The following LRMDA variants were observed in gnomAD, a reference collection of about 807,000 sequenced individuals.
LRMDA encodes the protein leucine-rich melanocyte differentiation-associated protein.
LRMDA carries 18 observed loss-of-function variants against 29.8 expected under a neutral mutation model. The observed-to-expected ratio is 0.60, with a 90% CI of 0.42 to 0.90. The LOEUF (loss-of-function observed/expected upper bound fraction) is 0.90. Among genes scored for constraint, LRMDA ranks in the 40% least tolerant of loss-of-function variants. LRMDA has a pLI of 0.00. For synonymous variants in LRMDA, 125 were observed against 109.4 expected (o/e 1.14, Z -0.89); for missense variants, 273 against 273.9 (o/e 1.00, Z 0.02).
At chr10:76,013,203 A>T (rs970291755) in intron 2 of LRMDA, among the ~76,000 whole-genome samples, 1 of 152,174 alleles carries the variant, frequency 6.6e-6, no homozygotes, top group Non-Finnish European at 1.5e-5. Flanking sequence ...AATGGGACCC[A>T]GGAGAATGGC....
chr10:75,831,228 T>C (rs1291841348), intron 2 of LRMDA, among the ~76,000 whole-genome samples: 2 of 152,128 alleles, frequency 1.3e-5, no homozygotes, highest in Admixed American at 1.3e-4. Flanking sequence ...TTCATATTTT[T>C]AGTAGAGACG....
chr10:76,227,549 C>T (rs1481348058), intron 5 of LRMDA, among the ~76,000 whole-genome samples: 1 of 152,268 alleles, frequency 6.6e-6, no homozygotes, highest in East Asian at 1.9e-4. Context: ...TTTCCCAAGG[C>T]CCTGATAGTT....
intron 2 of LRMDA, among the ~76,000 whole-genome samples, chr10:75,891,201 G>A (rs947071859): frequency 2.6e-5 from 4 of 152,190 alleles, no homozygotes; most frequent in African/African-American, 2.4e-5. Flanking sequence ...CCAGGAAGCT[G>A]TTGAGAGGTC....
intron 5 of LRMDA, among the ~76,000 whole-genome samples, chr10:76,271,231 A>C (rs1311990299): frequency 6.6e-6 from 1 of 152,152 alleles, no homozygotes; most frequent in African/African-American, 2.4e-5. Flanking sequence ...CACATGGCAA[A>C]ACTCCATTTC....
At chr10:76,527,526 A>G (rs1169070326) in intron 6 of LRMDA, among the ~76,000 whole-genome samples, 1 of 151,936 alleles carries the variant, frequency 6.6e-6, no homozygotes, top group Admixed American at 6.6e-5. Context: ...CTGAGTAAAA[A>G]CTCATTCTAG....
chr10:76,320,718 T>A (rs984150831), intron 5 of LRMDA, among the ~76,000 whole-genome samples: 1 of 152,236 alleles, frequency 6.6e-6, no homozygotes, highest in African/African-American at 2.4e-5. Flanking sequence ...GTTTCTAATA[T>A]TTTGACATTT....
chr10:76,216,041 A>G (rs1481444044), intron 5 of LRMDA, among the ~76,000 whole-genome samples: 1 of 152,234 alleles, frequency 6.6e-6, no homozygotes, highest in Non-Finnish European at 1.5e-5. Flanking sequence ...CTTGCTCATC[A>G]AAAATCAGCT....
intron 5 of LRMDA, among the ~76,000 whole-genome samples, chr10:76,201,174 G>A (rs1851422029): frequency 6.6e-6 from 1 of 150,776 alleles, no homozygotes; most frequent in Admixed American, 6.6e-5. Flanking sequence ...TCGGCTCCCC[G>A]TAACCTCTAC....
chr10:75,694,627 A>G (rs1842211008), intron 2 of LRMDA, among the ~76,000 whole-genome samples: 1 of 152,136 alleles, frequency 6.6e-6, no homozygotes, highest in Non-Finnish European at 1.5e-5. Flanking sequence ...TCTCAGGTAG[A>G]TTTTGCACAC....
intron 6 of LRMDA, among the ~76,000 whole-genome samples, chr10:76,330,593 A>T (rs1840892788): frequency 6.6e-6 from 1 of 152,182 alleles, no homozygotes; most frequent in Admixed American, 6.5e-5. Flanking sequence ...TGGTTTCTAT[A>T]ACTCACTGCA....
chr10:76,401,807 A>G (rs1841851870), intron 6 of LRMDA, among the ~76,000 whole-genome samples: 1 of 152,184 alleles, frequency 6.6e-6, no homozygotes, highest in Admixed American at 6.5e-5. Context: ...GAGCTTACAG[A>G]CAAACAGGAA....
intron 5 of LRMDA, among the ~76,000 whole-genome samples, chr10:76,127,015 A>G (rs1457976142): frequency 1.3e-5 from 2 of 152,236 alleles, no homozygotes; most frequent in Non-Finnish European, 2.9e-5. Flanking sequence ...CTACTTGCTC[A>G]TAAAGCCAAC....
At chr10:75,770,886 T>C (rs1304610509) in intron 2 of LRMDA, among the ~76,000 whole-genome samples, 1 of 152,166 alleles carries the variant, frequency 6.6e-6, no homozygotes, top group Non-Finnish European at 1.5e-5. Context: ...TTTGCTGTAG[T>C]CCAGAGGGAG....
chr10:76,165,331 G>A (rs899943790), intron 5 of LRMDA, among the ~76,000 whole-genome samples: 2 of 152,054 alleles, frequency 1.3e-5, no homozygotes, highest in African/African-American at 4.8e-5. Flanking sequence ...GGAGTACAGT[G>A]GTGTGATCTT....
chr10:76,024,635 G>A (rs1455487842), intron 2 of LRMDA, among the ~76,000 whole-genome samples: 1 of 152,208 alleles, frequency 6.6e-6, no homozygotes, highest in Non-Finnish European at 1.5e-5. Flanking sequence ...TTCCTGGCCT[G>A]AGTCCATTCC....
At chr10:75,850,707 T>C (rs1844717621) in intron 2 of LRMDA, among the ~76,000 whole-genome samples, 1 of 152,198 alleles carries the variant, frequency 6.6e-6, no homozygotes, top group South Asian at 2.1e-4. Context: ...GTTCCTGCCA[T>C]CTTGGAGTTT....
At chr10:76,287,738 T>C (rs1233225235) in intron 5 of LRMDA, among the ~76,000 whole-genome samples, 2 of 152,148 alleles carry the variant, frequency 1.3e-5, no homozygotes, top group Non-Finnish European at 2.9e-5. Flanking sequence ...AAGTTCTTGC[T>C]AAAAATAAAA....
rs574520837 is a variant in LRMDA, at chr10:75,471,552, C to A, written c.131+33058C>A. Among the ~76,000 whole-genome samples the A allele has an allele frequency of 1.1e-3, 165 of 152,302 alleles. 4 individuals are homozygous for A. The South Asian group carries it at 0.016, about 15-fold the overall frequency. ...AGACCTGGGTTCTGTCTGTTCCGAG[C>A]CTGTGCTCCCTCTGCCAAACCAATC... On this transcript the variant is annotated intron_variant, in intron 2 of 6. Transcript: ENST00000611255.
chr10:75,476,143 G>A (rs1204869364), intron 2 of LRMDA, among the ~76,000 whole-genome samples: 1 of 152,250 alleles, frequency 6.6e-6, no homozygotes, highest in Non-Finnish European at 1.5e-5. Flanking sequence ...TGTGATCCAA[G>A]TCTTGTTCTC....
Sources: gnomAD v4.1 joint callset for allele counts (sites outside exome capture counted in the v4.1 genomes callset) on GRCh38, gnomAD v4.1.1 for gene constraint, MANE v1.5 for transcripts, NCBI Gene and HGNC (gene_info 2026-07-23, HGNC 2026-07-21) for gene names.